Variants in DOP1A observed in about 807,000 individuals in gnomAD.
DOP1A encodes the protein DOP1 leucine zipper like protein A, also known as protein DOP1A.
DOP1A carries 90 observed loss-of-function variants against 267.6 expected under a neutral mutation model. The observed-to-expected ratio is 0.34, with a 90% CI of 0.28 to 0.40. The LOEUF (loss-of-function observed/expected upper bound fraction) is 0.40. Ranked by LOEUF, DOP1A falls within the 10% of genes least tolerant of loss-of-function variation. The pLI is 1.00. For missense variants in DOP1A, 2,437 were observed against 2,900.4 expected (o/e 0.84, Z 3.67); for synonymous variants, 932 against 999.1 (o/e 0.93, Z 1.27).
chr6:83,131,082 T>A (rs531835429), intron 17 of DOP1A, among the ~76,000 whole-genome samples: 1 of 152,278 alleles, frequency 6.6e-6, no homozygotes, highest in South Asian at 2.1e-4. Context: ...ATGAAAACTT[T>A]TTCTGACTCT....
At position 83,131,660 on chromosome 6, in the gene DOP1A, A is replaced by AT. The variant is rs113613878; in HGVS notation, c.2617-504dup. Among the ~76,000 whole-genome samples, 579 of 146,600 alleles carry AT rather than the reference A, an allele frequency of 3.9e-3. 3 individuals are homozygous for AT. Among genetic ancestry groups the AT allele is most frequent in the Non-Finnish European group, 5.7e-3 (377 of 66,150 alleles). On this transcript the variant is annotated intron_variant, in intron 17 of 38. Transcript: ENST00000349129. ...CCTGCAGAAAACATTTACATGTCTG[A>AT]TTTTTTTTTTTTCGAGATGGAGTCT...
chr6:83,140,193 A>G (rs201747913), intron 22 of DOP1A, 28 bp from the exon 23 acceptor site: 16 of 1,606,156 alleles, frequency 1.0e-5, no homozygotes, highest in Non-Finnish European at 1.4e-5. Context: ...AGTAAGTAAT[A>G]TGTTTCTTTT....
chr6:83,087,973 G>A (rs1467158575), intron 1 of DOP1A, among the ~76,000 whole-genome samples: 1 of 152,122 alleles, frequency 6.6e-6, no homozygotes, highest in Non-Finnish European at 1.5e-5. Flanking sequence ...CCAGGTTCAT[G>A]CCATTCTCCT....
chr6:83,099,247 T>A (rs1772089350), intron 3 of DOP1A, among the ~76,000 whole-genome samples: 2 of 152,314 alleles, frequency 1.3e-5, no homozygotes, highest in African/African-American at 4.8e-5. Context: ...AGATAATCAC[T>A]TTGATACCAT....
At chr6:83,146,528 A>G (rs1203311642) in intron 25 of DOP1A, among the ~76,000 whole-genome samples, 1 of 152,172 alleles carries the variant, frequency 6.6e-6, no homozygotes, top group Non-Finnish European at 1.5e-5. Flanking sequence ...TGAGCAACAC[A>G]TGAGGGATAT....
chr6:83,129,412 G>A lies in DOP1A; in HGVS notation c.2245G>A (p.Ala749Thr), dbSNP rs1345589345. The change falls in exon 16 of 39, where the codon GCT (alanine) becomes ACT (threonine). Residue 749 changes from alanine to threonine, a missense_variant. By Grantham distance (58) the Ala-to-Thr change is moderately conservative. Around this residue, in one of 9 missense-constraint regions of DOP1A, gnomAD observed 498 missense variants for 513.5 expected, o/e 0.97. Transcript: ENST00000349129. ...TAAAGAATACCTGTCTGCCTTCCTTGCTGCCTGTCAGCTCTTCCTAGAGTG... is the reference window on the plus strand; with the variant it reads ...TAAAGAATACCTGTCTGCCTTCCTTACTGCCTGTCAGCTCTTCCTAGAGTG... ...TSKEYLSAFL[A>T]ACQLFLECSS... is the part of the protein sequence containing the mutation. The A allele has an allele frequency of 6.2e-7, 1 of 1,610,860 alleles. No homozygotes were observed. Among genetic ancestry groups the A allele is most frequent in the East Asian group, 2.2e-5 (1 of 44,860 alleles).
intron 6 of DOP1A, among the ~76,000 whole-genome samples, chr6:83,113,024 C>G (rs1042506982): frequency 6.6e-6 from 1 of 151,908 alleles, no homozygotes; most frequent in Non-Finnish European, 1.5e-5. Flanking sequence ...ATGAAAAAGG[C>G]AGGTTTGGAA....
intron 1 of DOP1A, among the ~76,000 whole-genome samples, chr6:83,074,353 C>G (rs7745675): frequency 0.77 from 117,391 of 151,978 alleles, 45,439 homozygotes; most frequent in Middle Eastern, 0.83. Context: ...ACATTTTACA[C>G]AGTTGCTATT....
Position 83,167,921 on chromosome 6 carries a change from G to C in DOP1A, c.7152G>C (p.Leu2384=). The C allele has an allele frequency of 6.2e-7, 1 of 1,613,956 alleles. No homozygotes were observed. The part of the protein sequence containing the change: ...RTLGWEPGHL[L]LTICTVRSME... ...TGGGTTGGGAGCCAGGGCACTTGCTGCTCACCATCTGCACCGTGCGCAGTA... is the reference window on the plus strand; with the variant it reads ...TGGGTTGGGAGCCAGGGCACTTGCTCCTCACCATCTGCACCGTGCGCAGTA... Residue 2384 remains leucine, a synonymous_variant, in exon 39 of 39, where the codon CTG becomes CTC. Transcript: ENST00000349129.
At position 83,140,357 on chromosome 6, in the gene DOP1A, T is replaced by C. The variant is rs765418708; in HGVS notation, c.5369T>C (p.Ile1790Thr). The C allele has an allele frequency of 3.1e-6, 5 of 1,612,790 alleles. No homozygotes were observed. The South Asian group carries it at 4.4e-5, about 14-fold the overall frequency. Residue 1790 changes from isoleucine (I) to threonine (T), a missense_variant, in exon 23 of 39, where the codon ATT becomes ACT. Physicochemically the swap from Ile to Thr is moderately conservative, Grantham distance 89. Around this residue, in one of 9 missense-constraint regions of DOP1A, gnomAD observed 307 missense variants for 308.6 expected, o/e 0.99. Transcript: ENST00000349129. ...HQADSSEKMTIAASASLTTIN... is the reference protein window; with the variant it reads ...HQADSSEKMTTAASASLTTIN... ...GCTGATTCTTCAGAAAAGATGACTATTGCCGCATCCGCATCTCTTACCACT... is the reference window on the plus strand; with the variant it reads ...GCTGATTCTTCAGAAAAGATGACTACTGCCGCATCCGCATCTCTTACCACT...
intron 1 of DOP1A, among the ~76,000 whole-genome samples, chr6:83,069,160 C>G (rs1039035334): frequency 6.6e-6 from 1 of 152,160 alleles, no homozygotes; most frequent in African/African-American, 2.4e-5. Context: ...CAGGTGTGAT[C>G]TCCAGGCTTC....
intron 6 of DOP1A, 116 bp downstream of exon 6, chr6:83,110,430 C>T: frequency 9.3e-7 from 1 of 1,072,468 alleles, no homozygotes. Context: ...ATCGAGCTTA[C>T]ATTTATCAAG....
chr6:83,150,228 G>C (rs1781372408), intron 27 of DOP1A, among the ~76,000 whole-genome samples: 4 of 152,106 alleles, frequency 2.6e-5, no homozygotes, highest in Non-Finnish European at 5.9e-5. Flanking sequence ...TTAAAAATTA[G>C]CCAGGCATAG....
intron 25 of DOP1A, among the ~76,000 whole-genome samples, 159 bp downstream of exon 25, chr6:83,145,817 A>C (rs1469766501): frequency 6.6e-6 from 1 of 152,154 alleles, no homozygotes; most frequent in Non-Finnish European, 1.5e-5. Flanking sequence ...AATTATCAAT[A>C]TTTGTAGTGA....
At chr6:83,124,413 G>A (rs74516024) in intron 12 of DOP1A, among the ~76,000 whole-genome samples, 2 of 152,226 alleles carry the variant, frequency 1.3e-5, no homozygotes, top group African/African-American at 4.8e-5. Flanking sequence ...TAACTAGGAG[G>A]TGATATCTAT....
rs1779065200 is a variant in DOP1A, at chr6:83,137,691, C to T, written c.3649C>T (p.Leu1217=). ...ALLSNESSQF[L]SVSAEGGHEC... ...GCTGAGTAATGAAAGTTCTCAGTTTCTGTCTGTGTCTGCAGAGGGAGGCCA... is the reference window on the plus strand; with the variant it reads ...GCTGAGTAATGAAAGTTCTCAGTTTTTGTCTGTGTCTGCAGAGGGAGGCCA... The change falls in exon 21 of 39, where the codon CTG becomes TTG. Residue 1217 remains leucine, a synonymous_variant. Transcript: ENST00000349129. 1 of 1,613,450 alleles carries T rather than the reference C, an allele frequency of 6.2e-7. No individual in the cohort carries two copies. The highest frequency in any genetic ancestry group is 1.1e-5 in the South Asian group (1 of 91,030).
intron 1 of DOP1A, among the ~76,000 whole-genome samples, chr6:83,072,497 TA>T (rs1311608261): frequency 6.6e-6 from 1 of 152,160 alleles, no homozygotes; most frequent in Non-Finnish European, 1.5e-5. Flanking sequence ...TGGAAGTAAG[TA>T]AAGAGCCATC....
At chr6:83,157,091 C>A in intron 34 of DOP1A, 91 bp from the exon 35 acceptor site, 1 of 1,278,350 alleles carries the variant, frequency 7.8e-7, no homozygotes, top group Non-Finnish European at 1.1e-6. Flanking sequence ...TCCTTTACTA[C>A]AGATAGTTTG....
intron 23 of DOP1A, among the ~76,000 whole-genome samples, chr6:83,140,869 CTTTTT>C (rs751340697): frequency 2.7e-5 from 4 of 147,222 alleles, no homozygotes; most frequent in Admixed American, 6.8e-5. Context: ...AACTTTATTC[CTTTTT>C]TTTTTAGGGC....
Sources: gnomAD v4.1 joint callset for allele counts (sites outside exome capture counted in the v4.1 genomes callset) on GRCh38, gnomAD v4.1.1 for gene constraint, gnomAD v4.1.1 regional missense constraint, MANE v1.5 for transcripts, NCBI Gene and HGNC (gene_info 2026-07-23, HGNC 2026-07-21) for gene names.